The following MVB12B variants were observed in gnomAD, a reference collection of about 807,000 sequenced individuals.
The protein encoded by MVB12B is ESCRT-I complex subunit MVB12B.
Under a neutral mutation model 41.6 loss-of-function variants are expected in MVB12B, and 16 were observed. The ratio of observed to expected loss-of-function variants is 0.38; its 90% confidence interval spans 0.26 to 0.58. The LOEUF (loss-of-function observed/expected upper bound fraction) is 0.58, where lower values mean the gene tolerates loss of function less well. MVB12B is among the 20% of genes least tolerant of loss of function. The pLI, the probability that MVB12B is intolerant of heterozygous loss-of-function variation, is 0.62. For synonymous variants in MVB12B, 133 were observed against 139.7 expected, an observed-to-expected ratio of 0.95 and a Z score of 0.34; for missense variants, 274 against 380.2, an observed-to-expected ratio of 0.72 and a Z score of 2.32.
At position 126,376,155 on chromosome 9, in the gene MVB12B, C is replaced by T. The variant is rs574886827; in HGVS notation, c.205-4909C>T. Among the ~76,000 whole-genome samples the T allele has an allele frequency of 1.3e-5, 2 of 152,236 alleles. No individual in the cohort carries two copies. Among genetic ancestry groups the T allele is most frequent in the East Asian group, 3.9e-4 (2 of 5,188 alleles). The stretch of plus-strand genomic sequence containing the variant: ...TGTACTTTACCTTCTGGAAGATTTC[C>T]TCAGCTTTCTCTTCCAGTGTTTACA... On this transcript the variant is annotated intron_variant, in intron 2 of 9. Transcript: ENST00000361171. The surrounding 1 kb of genome is among the most constrained non-coding windows in gnomAD (Gnocchi z 4.1).
intron 7 of MVB12B, among the ~76,000 whole-genome samples, chr9:126,443,622 G>A (rs1413066726): frequency 1.3e-5 from 2 of 152,228 alleles, no homozygotes; most frequent in African/African-American, 4.8e-5. Flanking sequence ...CAGTATTTCA[G>A]TGTATGTCCT....
intron 2 of MVB12B, among the ~76,000 whole-genome samples, chr9:126,370,674 G>A (rs375390465): frequency 1.3e-5 from 2 of 152,054 alleles, no homozygotes; most frequent in Non-Finnish European, 2.9e-5. Context: ...GAGTCACCGC[G>A]CCTGGCCTGG....
At chr9:126,412,456 C>T (rs1364942981) in intron 6 of MVB12B, among the ~76,000 whole-genome samples, 2 of 152,170 alleles carry the variant, frequency 1.3e-5, no homozygotes, top group Non-Finnish European at 2.9e-5. Context: ...TCTTTGTCCA[C>T]CAGCAGACAC....
intron 9 of MVB12B, among the ~76,000 whole-genome samples, chr9:126,485,568 G>A (rs1833602247): frequency 1.4e-5 from 1 of 72,808 alleles, no homozygotes; most frequent in Non-Finnish European, 3.0e-5. Context: ...TGAGGTCAGG[G>A]TACCTTCCAC....
intron 7 of MVB12B, chr9:126,448,381 T>G (rs1832830736): frequency 6.6e-6 from 1 of 152,244 alleles, no homozygotes; most frequent in Non-Finnish European, 1.5e-5. Flanking sequence ...AATAATCACC[T>G]TGTTATTAAA....
intron 2 of MVB12B, among the ~76,000 whole-genome samples, chr9:126,352,730 G>A (rs953050590): frequency 3.3e-5 from 5 of 152,108 alleles, no homozygotes; most frequent in African/African-American, 4.8e-5. Context: ...GGAAGATTAG[G>A]GAAAAGTATA....
chr9:126,395,829 T>G lies in MVB12B; in HGVS notation c.662+132T>G. The G allele has an allele frequency of 2.0e-6, 3 of 1,471,504 alleles. No individual in the cohort carries two copies. The highest frequency in any genetic ancestry group is 2.7e-6 in the Non-Finnish European group (3 of 1,113,046). 91.2% of individuals were successfully genotyped at this position (1,471,504 alleles called of 1,614,324 possible). A position where few individuals can be genotyped will look rare whatever the true frequency, so the allele number is the denominator to read the frequency against. Reference sequence around the variant, plus strand: ...TGAATAATTGTAGAAGCAATATATCTTTAGAGGAGATTTTTAAAAATCCAC... The same window carrying G: ...TGAATAATTGTAGAAGCAATATATCGTTAGAGGAGATTTTTAAAAATCCAC... On this transcript the variant is annotated intron_variant, in intron 6 of 9. Coordinates refer to ENST00000361171, the MANE Select transcript of MVB12B (RefSeq NM_033446.3). This position sits in a 1 kb window ranked among gnomAD's most constrained non-coding sequence, Gnocchi z 4.9.
chr9:126,374,930 A>G (rs182225008), intron 2 of MVB12B, among the ~76,000 whole-genome samples: 22 of 152,336 alleles, frequency 1.4e-4, no homozygotes, highest in Non-Finnish European at 3.2e-4. Context: ...TGCACAGTTT[A>G]AAAAATCAGA....
At chr9:126,335,548 C>A in intron 1 of MVB12B, 1 of 489,194 alleles carries the variant, frequency 2.0e-6, no homozygotes, top group Non-Finnish European at 3.9e-6. Context: ...GATTTGCCAG[C>A]AGAAAGGTGT....
At chr9:126,435,880 AG>A (rs1220116785) in intron 7 of MVB12B, among the ~76,000 whole-genome samples, 1 of 152,252 alleles carries the variant, frequency 6.6e-6, no homozygotes, top group Non-Finnish European at 1.5e-5. Context: ...GCCACTGTGA[AG>A]GGTACGGCTG....
chr9:126,469,366 G>A (rs1833267814), intron 7 of MVB12B, among the ~76,000 whole-genome samples: 1 of 152,152 alleles, frequency 6.6e-6, no homozygotes, highest in African/African-American at 2.4e-5. Context: ...TATTGGAATG[G>A]TTTCCTTAGA....
intron 7 of MVB12B, among the ~76,000 whole-genome samples, chr9:126,461,854 G>A (rs1217490904): frequency 1.2e-5 from 1 of 86,044 alleles, no homozygotes; most frequent in African/African-American, 4.7e-5. Context: ...TGCCCGTGGG[G>A]GTTGAGAGCA....
intron 6 of MVB12B, among the ~76,000 whole-genome samples, chr9:126,407,449 C>A (rs1027486063): frequency 6.6e-6 from 1 of 152,202 alleles, no homozygotes; most frequent in African/African-American, 2.4e-5. Flanking sequence ...CTTCATACTT[C>A]TTCAATTCTA....
intron 7 of MVB12B, among the ~76,000 whole-genome samples, chr9:126,446,318 T>C (rs564229215): frequency 1.3e-5 from 2 of 152,246 alleles, no homozygotes; most frequent in East Asian, 3.9e-4. Flanking sequence ...ATCTTTATTA[T>C]GGTGCATTCT....
intron 7 of MVB12B, among the ~76,000 whole-genome samples, chr9:126,424,650 G>A (rs1004449624): frequency 3.3e-5 from 5 of 152,262 alleles, no homozygotes; most frequent in South Asian, 2.1e-4. Context: ...GCATTCTGCC[G>A]ACCAAAATTT....
intron 8 of MVB12B, among the ~76,000 whole-genome samples, chr9:126,482,616 A>G (rs1564347085): frequency 6.6e-6 from 1 of 152,222 alleles, no homozygotes; most frequent in African/African-American, 2.4e-5. Flanking sequence ...GTTAGAGCCT[A>G]ATGACACAGC....
intron 7 of MVB12B, among the ~76,000 whole-genome samples, chr9:126,452,334 G>A (rs748445613): frequency 2.6e-5 from 4 of 152,214 alleles, no homozygotes; most frequent in Non-Finnish European, 5.9e-5. Context: ...AGGTAAAGAA[G>A]ACATGGCCCT....
At chr9:126,474,605 G>A (rs767987011) in intron 7 of MVB12B, among the ~76,000 whole-genome samples, 26 of 152,132 alleles carry the variant, frequency 1.7e-4, no homozygotes, top group South Asian at 1.0e-3. Context: ...CGCTGTCTGC[G>A]TCTAGCCCCT....
intron 9 of MVB12B, among the ~76,000 whole-genome samples, chr9:126,498,064 A>G: frequency 6.6e-6 from 1 of 152,278 alleles, no homozygotes; most frequent in East Asian, 1.9e-4. Flanking sequence ...TGACGTGGGC[A>G]CTGTGCTGGG....
Sources: gnomAD v4.1 joint callset for allele counts (sites outside exome capture counted in the v4.1 genomes callset) on GRCh38, gnomAD v4.1.1 for gene constraint, Gnocchi (gnomAD v3.1) non-coding constraint, MANE v1.5 for transcripts, NCBI Gene and HGNC (gene_info 2026-07-23, HGNC 2026-07-21) for gene names.